Variants in IDO2 observed in about 807,000 individuals in gnomAD.
IDO2 encodes the protein indoleamine 2,3-dioxygenase-like 1 protein.
IDO2 carries 46 observed loss-of-function variants against 45.1 expected under a neutral mutation model. The observed-to-expected ratio is 1.02, with a 90% CI of 0.80 to 1.30. IDO2 has a LOEUF of 1.30. Among genes scored for constraint, IDO2 ranks in the 50% most tolerant of loss-of-function variants. The pLI, the probability that IDO2 is intolerant of heterozygous loss-of-function variation, is 0.00. For synonymous variants in IDO2, 218 were observed against 184.9 expected (o/e 1.18, Z -1.45); for missense variants, 544 against 491.8 (o/e 1.11, Z -1.00).
At chr8:40,009,828 G>A (rs2129595504) in intron 9 of IDO2, among the ~76,000 whole-genome samples, 1 of 152,286 alleles carries the variant, frequency 6.6e-6, no homozygotes, top group South Asian at 2.1e-4. Context: ...ACATTGGATG[G>A]CTCTTTTAAG....
intron 8 of IDO2, among the ~76,000 whole-genome samples, chr8:39,994,228 T>C (rs1297658001): frequency 6.6e-6 from 1 of 151,938 alleles, no homozygotes; most frequent in African/African-American, 2.4e-5. Flanking sequence ...AATTTGAATT[T>C]TCTATAATGA....
chr8:40,004,972 A>T (rs1046314385), intron 8 of IDO2, among the ~76,000 whole-genome samples: 1 of 152,202 alleles, frequency 6.6e-6, no homozygotes, highest in Non-Finnish European at 1.5e-5. Context: ...GAGAGAGGTA[A>T]TTCTCTCTGC....
chr8:40,010,856 G>A (rs1333777861), intron 9 of IDO2, among the ~76,000 whole-genome samples: 1 of 152,098 alleles, frequency 6.6e-6, no homozygotes, highest in Non-Finnish European at 1.5e-5. Context: ...ATAGGGGAGT[G>A]GTCTAGCTAT....
At chr8:40,013,833 AAGTC>A (rs1802346300) in intron 10 of IDO2, 120 bp downstream of exon 10, 2 of 763,918 alleles carry the variant, frequency 2.6e-6, no homozygotes, top group African/African-American at 3.5e-5. Flanking sequence ...ATACTTCTCT[AAGTC>A]AGCCAAGAAA....
intron 8 of IDO2, among the ~76,000 whole-genome samples, chr8:40,004,500 G>T (rs546295080): frequency 1.3e-5 from 2 of 151,150 alleles, no homozygotes; most frequent in South Asian, 2.1e-4. Context: ...CTCACATAAA[G>T]ATGTAGACAG....
exon 10 of IDO2, chr8:40,013,586 G>T (rs767631504): frequency 2.5e-6 from 4 of 1,613,558 alleles, no homozygotes; most frequent in South Asian, 1.1e-5. Context: ...ACCCAGCAAT[G>T]CCTGCAGGGC....
At chr8:39,957,574 T>C (rs929462912) in intron 2 of IDO2, among the ~76,000 whole-genome samples, 3 of 152,204 alleles carry the variant, frequency 2.0e-5, no homozygotes, top group African/African-American at 4.8e-5. Flanking sequence ...TTTGTACCAC[T>C]ACACTCCAGT....
At chr8:39,954,853 CG>C (rs1264887146) in intron 2 of IDO2, among the ~76,000 whole-genome samples, 4 of 151,406 alleles carry the variant, frequency 2.6e-5, no homozygotes, top group Non-Finnish European at 5.9e-5. Context: ...GATAGGGTTT[CG>C]CTATTTTGGT....
intron 2 of IDO2, among the ~76,000 whole-genome samples, chr8:39,958,233 G>A (rs1278700293): frequency 6.6e-6 from 1 of 151,922 alleles, no homozygotes; most frequent in African/African-American, 2.4e-5. Flanking sequence ...ACGGAGTCTT[G>A]CTCTCTTCCC....
At chr8:39,935,149 T>G in exon 1 of IDO2, 1 of 1,594,328 alleles carries the variant, frequency 6.3e-7, no homozygotes, top group Non-Finnish European at 8.6e-7. Flanking sequence ...AATGAAAACC[T>G]TCTTAGGAAA....
At chr8:39,980,106 C>T (rs1353962728) in intron 4 of IDO2, among the ~76,000 whole-genome samples, 1 of 152,198 alleles carries the variant, frequency 6.6e-6, no homozygotes. Flanking sequence ...CAGGCGTGAG[C>T]CACCATGCCG....
At chr8:39,985,845 T>C (rs1221744685) in intron 6 of IDO2, 1 of 243,294 alleles carries the variant, frequency 4.1e-6, no homozygotes, top group African/African-American at 2.3e-5. Flanking sequence ...TTAATTTTTT[T>C]TTTGAGACTG....
At chr8:39,944,397 T>A (rs966108588) in intron 1 of IDO2, among the ~76,000 whole-genome samples, 1 of 152,174 alleles carries the variant, frequency 6.6e-6, no homozygotes, top group Non-Finnish European at 1.5e-5. Flanking sequence ...AACCCCGCTT[T>A]TAGACTCCCC....
At chr8:40,016,239 C>A in exon 11 of IDO2, 1 of 398,102 alleles carries the variant, frequency 2.5e-6, no homozygotes, top group East Asian at 3.6e-5. Context: ...TATTGTAATG[C>A]CTTTATTTTT....
At chr8:39,989,982 T>G (rs1249552663) in intron 8 of IDO2, 144 bp downstream of exon 8, 5 of 585,300 alleles carry the variant, frequency 8.5e-6, no homozygotes, top group Non-Finnish European at 1.2e-5. Flanking sequence ...ATCTTTGTTT[T>G]AGGTTAAACA....
At chr8:40,000,493 G>T (rs774157914) in intron 8 of IDO2, among the ~76,000 whole-genome samples, 30 of 151,750 alleles carry the variant, frequency 2.0e-4, no homozygotes, top group Non-Finnish European at 3.8e-4. Context: ...TGTCTAAAAA[G>T]AATTAAAATG....
intron 2 of IDO2, among the ~76,000 whole-genome samples, chr8:39,953,697 G>A (rs982167406): frequency 2.0e-5 from 3 of 152,022 alleles, no homozygotes; most frequent in Non-Finnish European, 4.4e-5. Flanking sequence ...TGAGTAGCTG[G>A]GATTACAGGA....
intron 10 of IDO2, 89 bp from the exon 11 acceptor site, chr8:40,015,158 A>G (rs202162285): frequency 2.4e-3 from 1 of 414 alleles, no homozygotes; most frequent in Non-Finnish European, 0.029. Flanking sequence ...TCATCTAGAG[A>G]AAAAAAAAAT....
chr8:40,009,847 G>A (rs538370454), intron 9 of IDO2, among the ~76,000 whole-genome samples: 6 of 152,262 alleles, frequency 3.9e-5, no homozygotes, highest in African/African-American at 1.4e-4. Context: ...AGTTGGCCAC[G>A]TTCTTTCAAG....
Sources: gnomAD v4.1 joint callset for allele counts (sites outside exome capture counted in the v4.1 genomes callset) on GRCh38, gnomAD v4.1.1 for gene constraint, MANE v1.5 for transcripts, NCBI Gene and HGNC (gene_info 2026-07-23, HGNC 2026-07-21) for gene names.